The following IMPG2 variants were observed in gnomAD, a reference collection of about 807,000 sequenced individuals.
The protein encoded by IMPG2 is IPM 200.
In IMPG2, 91 loss-of-function variants were observed where a neutral mutation model predicts 129.2. That is an observed-to-expected ratio of 0.70 (90% CI 0.59 to 0.84). The LOEUF (loss-of-function observed/expected upper bound fraction) is 0.84. Among genes scored for constraint, IMPG2 ranks in the 40% least tolerant of loss-of-function variants. IMPG2 has a pLI of 0.00. For synonymous variants in IMPG2, 510 were observed against 517.7 expected (o/e 0.99, Z 0.20); for missense variants, 1,430 against 1,461.7 (o/e 0.98, Z 0.35).
intron 3 of IMPG2, among the ~76,000 whole-genome samples, chr3:101,293,457 A>G (rs1467584347): frequency 6.6e-6 from 1 of 152,216 alleles, no homozygotes; most frequent in African/African-American, 2.4e-5. Context: ...CCATACTGTA[A>G]ACAGATGTGG....
At chr3:101,294,996 G>C (rs1167266600) in intron 3 of IMPG2, among the ~76,000 whole-genome samples, 4 of 152,084 alleles carry the variant, frequency 2.6e-5, no homozygotes, top group Non-Finnish European at 5.9e-5. Flanking sequence ...TGTCAGATGG[G>C]TAGATTGCAA....
chr3:101,311,569 C>T (rs891725319), intron 2 of IMPG2, among the ~76,000 whole-genome samples: 1 of 151,950 alleles, frequency 6.6e-6, no homozygotes, highest in Non-Finnish European at 1.5e-5. Context: ...AAATAAAGAC[C>T]TAAATAAATG....
chr3:101,305,082 C>G (rs559581631), intron 2 of IMPG2, among the ~76,000 whole-genome samples: 13 of 152,134 alleles, frequency 8.5e-5, no homozygotes, highest in Admixed American at 2.6e-4. Flanking sequence ...ATTGCCAAAA[C>G]TTGGGGGTGA....
intron 13 of IMPG2, 110 bp downstream of exon 13, chr3:101,243,419 T>C (rs1167387622): frequency 1.1e-6 from 1 of 942,744 alleles, no homozygotes; most frequent in Non-Finnish European, 1.7e-6. Context: ...GAAGTGAATG[T>C]TCACAGCAGA....
At chr3:101,276,847 G>T in intron 4 of IMPG2, 134 bp from the exon 5 acceptor site, 1 of 658,860 alleles carries the variant, frequency 1.5e-6, no homozygotes, top group Non-Finnish European at 2.7e-6. Flanking sequence ...GTACCAAAAA[G>T]CAAAGTTTTT....
chr3:101,244,526 C>T lies in IMPG2; in HGVS notation c.1805G>A (p.Gly602Asp). The change falls in exon 13 of 19, where the codon GGT (glycine) becomes GAT (aspartate). Residue 602 changes from glycine (G) to aspartate (D), a missense_variant. Gly to Asp is a moderately conservative substitution (Grantham distance 94). Coordinates refer to ENST00000193391, the MANE Select transcript of IMPG2 (RefSeq NM_016247.4). ...EKELIFDGGLGSGSGQKVDLI... is the reference protein window; with the variant it reads ...EKELIFDGGLDSGSGQKVDLI... Reference sequence around the variant, plus strand: ...ATCTACCTTTTGCCCAGACCCTGAACCTAAACCACCGTCAAATATTAACTC... The same window carrying T: ...ATCTACCTTTTGCCCAGACCCTGAATCTAAACCACCGTCAAATATTAACTC... 6.2e-7 allele frequency: 1 copy of T among 1,600,600 alleles called. No individual in the cohort carries two copies. The highest frequency in any genetic ancestry group is 8.5e-7 in the Non-Finnish European group (1 of 1,172,952).
At chr3:101,269,134 A>G (rs348869) in intron 8 of IMPG2, among the ~76,000 whole-genome samples, 60,824 of 151,990 alleles carry the variant, frequency 0.4, 13,243 homozygotes, top group Non-Finnish European at 0.49. Context: ...TCCCTTCCAG[A>G]GTGGCCTCAT....
At chr3:101,267,040 G>T (rs1706727927) in intron 9 of IMPG2, among the ~76,000 whole-genome samples, 1 of 152,068 alleles carries the variant, frequency 6.6e-6, no homozygotes, top group Non-Finnish European at 1.5e-5. Flanking sequence ...AACACGCATG[G>T]ACTGGAGGAC....
chr3:101,261,704 T>C (rs1291332087), intron 9 of IMPG2, among the ~76,000 whole-genome samples: 1 of 152,066 alleles, frequency 6.6e-6, no homozygotes, highest in Admixed American at 6.6e-5. Flanking sequence ...CTATTTTGAG[T>C]GCCAAGAACA....
At chr3:101,248,747 T>G (rs1706512099) in intron 11 of IMPG2, among the ~76,000 whole-genome samples, 1 of 152,228 alleles carries the variant, frequency 6.6e-6, no homozygotes, top group Non-Finnish European at 1.5e-5. Flanking sequence ...TCTTATTTTC[T>G]TTTGTGGAAC....
At chr3:101,237,992 C>A (rs754709056) in intron 14 of IMPG2, among the ~76,000 whole-genome samples, 1 of 151,888 alleles carries the variant, frequency 6.6e-6, no homozygotes, top group South Asian at 2.1e-4. Context: ...TTAGACGAAT[C>A]GCTAACTAGA....
chr3:101,261,618 A>G (rs190703254), intron 9 of IMPG2, among the ~76,000 whole-genome samples: 4 of 152,246 alleles, frequency 2.6e-5, no homozygotes, highest in African/African-American at 7.2e-5. Context: ...TGCCTCAGAG[A>G]GATGTTATAA....
intron 14 of IMPG2, among the ~76,000 whole-genome samples, chr3:101,238,667 G>A (rs1169186872): frequency 6.6e-6 from 1 of 152,156 alleles, no homozygotes; most frequent in East Asian, 1.9e-4. Flanking sequence ...ACAAGCAAAT[G>A]CTGAGAGATT....
chr3:101,292,682 A>T (rs1707032477), intron 3 of IMPG2, among the ~76,000 whole-genome samples: 2 of 152,188 alleles, frequency 1.3e-5, no homozygotes, highest in South Asian at 4.1e-4. Flanking sequence ...TTTTTCTTTC[A>T]CGAAAGAGTT....
In IMPG2 at chr3:101,263,616, AAAC is replaced by A. The variant is rs201320069; in HGVS notation, c.908+3892_908+3894del. ...TCAAACAACTAAAAAGATTTCGAAT[AAAC>A]AACTTAACAATGCATCTCAAAGAAC... On this transcript the variant is annotated intron_variant, in intron 9 of 18. Coordinates refer to ENST00000193391, the MANE Select transcript of IMPG2 (RefSeq NM_016247.4). 5.1e-3 allele frequency among the ~76,000 whole-genome samples: 780 copies of A among 152,096 alleles called. 28 individuals carry two copies. The highest frequency in any genetic ancestry group is 0.042 in the Admixed American group (648 of 15,260).
At chr3:101,311,932 C>T (rs1707266256) in intron 2 of IMPG2, among the ~76,000 whole-genome samples, 1 of 152,016 alleles carries the variant, frequency 6.6e-6, no homozygotes. Flanking sequence ...GCTAATATCA[C>T]TCAGTGGAAA....
chr3:101,249,147 T>C (rs937631641), intron 11 of IMPG2, among the ~76,000 whole-genome samples: 1 of 152,200 alleles, frequency 6.6e-6, no homozygotes, highest in Non-Finnish European at 1.5e-5. Flanking sequence ...TGGATGGTAG[T>C]GGCAATTGCT....
intron 9 of IMPG2, among the ~76,000 whole-genome samples, chr3:101,258,027 A>C (rs560710970): frequency 7.2e-5 from 11 of 152,202 alleles, no homozygotes; most frequent in Admixed American, 7.2e-4. Flanking sequence ...GGATGATCTG[A>C]GCATCTTCTT....
rs1336424414 is a variant in IMPG2, at chr3:101,226,379, T to C, written c.*590A>G. 2 of 150,742 alleles carry C rather than the reference T, an allele frequency of 1.3e-5. No homozygotes were observed. The highest frequency in any genetic ancestry group is 2.5e-5 in the African/African-American group (1 of 40,742). 9.3% of individuals were successfully genotyped at this position (150,742 alleles called of 1,614,324 possible). On this transcript the variant is annotated 3_prime_UTR_variant, in exon 19 of 19. Coordinates refer to ENST00000193391, the MANE Select transcript of IMPG2 (RefSeq NM_016247.4). ...ATGCTCAGGAAATGCAAGACACTGA[T>C]AGAAGCATAAAAATACAACCCGAAT... is the stretch of plus-strand genomic sequence containing the variant.
Sources: gnomAD v4.1 joint callset for allele counts (sites outside exome capture counted in the v4.1 genomes callset) on GRCh38, gnomAD v4.1.1 for gene constraint, MANE v1.5 for transcripts, NCBI Gene and HGNC (gene_info 2026-07-23, HGNC 2026-07-21) for gene names.